IL1RAPL2: variants seen among roughly 807,000 people sequenced by gnomAD.
The protein encoded by IL1RAPL2 is X-linked interleukin-1 receptor accessory protein-like 2.
A neutral mutation model predicts 44.1 loss-of-function variants in IL1RAPL2; 3 were observed. That is an observed-to-expected ratio of 0.07 (90% CI 0.03 to 0.18). The LOEUF (loss-of-function observed/expected upper bound fraction) is 0.18, where lower values mean the gene tolerates loss of function less well. Among genes scored for constraint, IL1RAPL2 ranks in the 10% least tolerant of loss-of-function variants. The pLI, the probability that IL1RAPL2 is intolerant of heterozygous loss-of-function variation, is 1.00. For synonymous variants in IL1RAPL2, 181 were observed against 178.8 expected, an observed-to-expected ratio of 1.01 and a Z score of -0.10; for missense variants, 391 against 496.4, an observed-to-expected ratio of 0.79 and a Z score of 2.02.
chrX:104,799,885 C>T (rs1483695902), intron 2 of IL1RAPL2, among the ~76,000 whole-genome samples: 2 of 111,154 alleles, frequency 1.8e-5, no homozygotes, highest in Non-Finnish European at 3.8e-5. Flanking sequence ...TAACTGTGGT[C>T]ACCATGAAGT....
chrX:105,352,782 G>A (rs2035166361), intron 5 of IL1RAPL2, among the ~76,000 whole-genome samples: 1 of 109,540 alleles, frequency 9.1e-6, no homozygotes, highest in Non-Finnish European at 1.9e-5. Flanking sequence ...GGGGTTGTTT[G>A]TTTCTTTCTT....
chrX:104,916,243 A>C lies in IL1RAPL2; in HGVS notation c.82+257248A>C, dbSNP rs772189361. On this transcript the variant is annotated intron_variant, in intron 2 of 10. Coordinates refer to ENST00000372582, the MANE Select transcript of IL1RAPL2 (RefSeq NM_017416.2). ...ATTTGTTTGTATCCTCTTTTATTTC[A>C]TTGAGCAGTGGTTTGTAGTTCTCCT... Among the ~76,000 whole-genome samples, 98 of 111,396 alleles carry C rather than the reference A, an allele frequency of 8.8e-4. 1 individual carries two copies. Among genetic ancestry groups the C allele is most frequent in the East Asian group, 7.7e-3 (27 of 3,515 alleles).
At chrX:105,671,181 AG>A (rs1233587938) in intron 6 of IL1RAPL2, among the ~76,000 whole-genome samples, 1 of 111,159 alleles carries the variant, frequency 9.0e-6, no homozygotes, top group Non-Finnish European at 1.9e-5. Flanking sequence ...TCCTGACCTC[AG>A]GTGATCCACC....
intron 5 of IL1RAPL2, among the ~76,000 whole-genome samples, chrX:105,473,732 A>G (rs2036179621): frequency 8.9e-6 from 1 of 112,106 alleles, no homozygotes; most frequent in South Asian, 3.7e-4. Flanking sequence ...AGAAGTATCA[A>G]TACCTGCCCA....
intron 10 of IL1RAPL2, among the ~76,000 whole-genome samples, chrX:105,762,261 T>C (rs777452522): frequency 2.8e-4 from 31 of 111,962 alleles, no homozygotes; most frequent in African/African-American, 9.7e-4. Flanking sequence ...TGAAAGATAT[T>C]TTAAAATTGA....
chrX:105,151,825 G>C (rs1258732964), intron 2 of IL1RAPL2, among the ~76,000 whole-genome samples: 1 of 110,824 alleles, frequency 9.0e-6, no homozygotes, highest in Non-Finnish European at 1.9e-5. Context: ...GCCATAAAAA[G>C]GAATGAAATA....
At chrX:104,674,093 T>C (rs912729964) in intron 2 of IL1RAPL2, among the ~76,000 whole-genome samples, 1 of 111,524 alleles carries the variant, frequency 9.0e-6, no homozygotes, top group East Asian at 2.8e-4. Context: ...CCTTTATTTC[T>C]TTCTCCTGCC....
At chrX:105,624,756 A>G (rs1362080373) in intron 6 of IL1RAPL2, among the ~76,000 whole-genome samples, 1 of 111,667 alleles carries the variant, frequency 9.0e-6, no homozygotes, top group Admixed American at 9.6e-5. Flanking sequence ...GCATGATTTC[A>G]TAACTATGGA....
chrX:104,611,297 G>A (rs1281333494), intron 1 of IL1RAPL2, among the ~76,000 whole-genome samples: 11 of 111,489 alleles, frequency 9.9e-5, no homozygotes, highest in African/African-American at 3.6e-4. Flanking sequence ...AGGGAGATGA[G>A]GGTTTTGTCT....
intron 2 of IL1RAPL2, among the ~76,000 whole-genome samples, chrX:104,917,896 T>A (rs780503410): frequency 6.3e-5 from 7 of 111,855 alleles, no homozygotes; most frequent in African/African-American, 2.3e-4. Flanking sequence ...AGAAAAGACA[T>A]GGCTCTTTGG....
intron 6 of IL1RAPL2, among the ~76,000 whole-genome samples, chrX:105,614,981 GA>G (rs763219428): frequency 1.8e-5 from 2 of 110,687 alleles, no homozygotes; most frequent in East Asian, 2.8e-4. Flanking sequence ...CAATTCTATA[GA>G]AAAAAAATCT....
chrX:105,069,541 G>C (rs1456245535), intron 2 of IL1RAPL2, among the ~76,000 whole-genome samples: 1 of 111,914 alleles, frequency 8.9e-6, no homozygotes, highest in African/African-American at 3.2e-5. Flanking sequence ...TATGGAGCAA[G>C]GGCTGGGAAT....
chrX:104,690,865 G>A (rs1344502705), intron 2 of IL1RAPL2, among the ~76,000 whole-genome samples: 1 of 111,621 alleles, frequency 9.0e-6, no homozygotes, highest in African/African-American at 3.3e-5. Context: ...CCGATAAATG[G>A]AATTAGGAAA....
chrX:105,060,910 G>A (rs2032068015), intron 2 of IL1RAPL2, among the ~76,000 whole-genome samples: 1 of 110,171 alleles, frequency 9.1e-6, no homozygotes, highest in Admixed American at 9.7e-5. Flanking sequence ...TTTAAATTCT[G>A]ATTTTATACA....
At chrX:105,025,729 G>A (rs918769999) in intron 2 of IL1RAPL2, among the ~76,000 whole-genome samples, 1 of 111,313 alleles carries the variant, frequency 9.0e-6, no homozygotes, top group African/African-American at 3.3e-5. Context: ...GCCTGTCAGT[G>A]TTTCTTGTAG....
chrX:104,702,723 A>ATG (rs1258421746), intron 2 of IL1RAPL2, among the ~76,000 whole-genome samples: 5 of 110,311 alleles, frequency 4.5e-5, no homozygotes, highest in South Asian at 3.9e-4. Context: ...GTGGTGGTGT[A>ATG]TGTGTGTGTG....
At chrX:105,479,385 C>T (rs1361640241) in intron 5 of IL1RAPL2, among the ~76,000 whole-genome samples, 1 of 111,033 alleles carries the variant, frequency 9.0e-6, no homozygotes, top group Non-Finnish European at 1.9e-5. Context: ...GAAATTAATG[C>T]GATGTGAATG....
At chrX:104,930,672 C>G (rs369122486) in intron 2 of IL1RAPL2, among the ~76,000 whole-genome samples, 1 of 111,713 alleles carries the variant, frequency 9.0e-6, no homozygotes, top group African/African-American at 3.2e-5. Context: ...TCACAAAACT[C>G]TTACCCTTCG....
chrX:105,265,563 A>C (rs1420645274), intron 4 of IL1RAPL2, among the ~76,000 whole-genome samples: 1 of 111,259 alleles, frequency 9.0e-6, no homozygotes, highest in African/African-American at 3.3e-5. Context: ...CTAGGGAGTG[A>C]AGCAGCCTTA....
Sources: allele counts gnomAD v4.1 joint callset (sites outside exome capture counted in the v4.1 genomes callset), GRCh38; gene constraint gnomAD v4.1.1; transcripts MANE v1.5; gene names NCBI Gene and HGNC (gene_info 2026-07-23, HGNC 2026-07-21).